The following GLG1 variants were observed in gnomAD, a reference collection of about 807,000 sequenced individuals.
The protein encoded by GLG1 is golgi glycoprotein 1.
In GLG1, 38 loss-of-function variants were observed where a neutral mutation model predicts 160.5. That is an observed-to-expected ratio of 0.24 (90% CI 0.18 to 0.31). GLG1 has a LOEUF of 0.31. Among genes scored for constraint, GLG1 ranks in the 10% least tolerant of loss-of-function variants. The pLI, the probability that GLG1 is intolerant of heterozygous loss-of-function variation, is 1.00. For missense variants in GLG1, 1,373 were observed against 1,505.2 expected, an observed-to-expected ratio of 0.91 and a Z score of 1.45; for synonymous variants, 644 against 543.4, an observed-to-expected ratio of 1.19 and a Z score of -2.57.
chr16:74,550,697 A>C (rs1263937887), intron 1 of GLG1, among the ~76,000 whole-genome samples: 1 of 152,218 alleles, frequency 6.6e-6, no homozygotes, highest in Non-Finnish European at 1.5e-5. Flanking sequence ...CAAAGATGCA[A>C]AAGTCAAGAG....
Position 74,450,841 on chromosome 16 carries a change from C to T in GLG1, c.*2326G>A, listed in dbSNP as rs534290582. 1 of 145,068 alleles carries T rather than the reference C, an allele frequency of 6.9e-6. No homozygotes were observed. The highest frequency in any genetic ancestry group is 2.0e-4 in the East Asian group (1 of 5,072). The allele number at this position is 145,068 out of a possible 1,614,324, so 9.0% of individuals were successfully genotyped here. A position where few individuals can be genotyped will look rare whatever the true frequency, so the allele number is the denominator to read the frequency against. On this transcript the variant is annotated 3_prime_UTR_variant, in exon 26 of 26. Coordinates refer to ENST00000422840, the MANE Select transcript of GLG1 (RefSeq NM_001145667.2). ...GCAGCCTGGGCAACAGAGAGATACT[C>T]TGTCTCAAAAAAAAAAAAAAAGACA...
At chr16:74,565,682 C>G (rs1312547000) in intron 1 of GLG1, among the ~76,000 whole-genome samples, 3 of 152,208 alleles carry the variant, frequency 2.0e-5, no homozygotes, top group Non-Finnish European at 1.5e-5. Flanking sequence ...CAACCATACA[C>G]CAGCACCAGA....
intron 1 of GLG1, among the ~76,000 whole-genome samples, chr16:74,551,718 G>C (rs1411685735): frequency 6.6e-6 from 1 of 151,570 alleles, no homozygotes; most frequent in African/African-American, 2.4e-5. Flanking sequence ...CCTGCCTTTA[G>C]GTGTCATTAC....
intron 5 of GLG1, among the ~76,000 whole-genome samples, chr16:74,496,187 G>A (rs1405259623): frequency 1.3e-5 from 2 of 151,960 alleles, no homozygotes; most frequent in Non-Finnish European, 2.9e-5. Flanking sequence ...AGAATCGCTT[G>A]AACCCAGAAG....
chr16:74,596,573 T>G (rs572945465), intron 1 of GLG1, among the ~76,000 whole-genome samples: 2 of 152,332 alleles, frequency 1.3e-5, no homozygotes, highest in Admixed American at 1.3e-4. Context: ...TACTAAATCT[T>G]CAAAATCAAA....
At chr16:74,480,178 A>T in intron 11 of GLG1, 63 bp downstream of exon 11, 1 of 1,331,426 alleles carries the variant, frequency 7.5e-7, no homozygotes, top group Non-Finnish European at 1.1e-6. Context: ...AGAAGAATAT[A>T]CAGCAAACAA....
chr16:74,460,298 G>A (rs2014738249), intron 22 of GLG1, among the ~76,000 whole-genome samples: 1 of 152,092 alleles, frequency 6.6e-6, no homozygotes. Context: ...GGGATTACAG[G>A]GCATGAGCCA....
At chr16:74,544,892 T>C (rs2018003308) in intron 1 of GLG1, among the ~76,000 whole-genome samples, 1 of 151,974 alleles carries the variant, frequency 6.6e-6, no homozygotes. Context: ...TAATCTATAA[T>C]TATAATAATA....
intron 2 of GLG1, among the ~76,000 whole-genome samples, chr16:74,531,450 C>G: frequency 6.6e-6 from 1 of 152,274 alleles, no homozygotes; most frequent in Middle Eastern, 3.4e-3. Flanking sequence ...TCCAGAGTAG[C>G]TGGGATTAAA....
At position 74,485,886 on chromosome 16, in the gene GLG1, C is replaced by G. The variant is rs781585464; in HGVS notation, c.1481G>C (p.Gly494Ala). 17 of 1,611,874 alleles carry G rather than the reference C, an allele frequency of 1.1e-5. No homozygotes were observed. The South Asian group carries it at 1.6e-4, about 16-fold the overall frequency. The change falls in exon 9 of 26, where the codon GGT (glycine) becomes GCT (alanine). Residue 494 changes from glycine to alanine, a missense_variant. Around this residue, in one of 4 missense-constraint regions of GLG1, gnomAD observed 386 missense variants for 388.5 expected, o/e 0.99. Coordinates refer to ENST00000422840, the MANE Select transcript of GLG1 (RefSeq NM_001145667.2). The stretch of plus-strand genomic sequence containing the variant: ...AGCTCGATCAATGCGGTAATCTGCA[C>G]CAGGGTCAGTCTCCTGAATCAGTGT... ...LQTLIQETDP[G>A]ADYRIDRALN... is the part of the protein sequence containing the mutation.
intron 1 of GLG1, among the ~76,000 whole-genome samples, chr16:74,547,968 T>C (rs1424770185): frequency 6.6e-6 from 1 of 152,260 alleles, no homozygotes; most frequent in Admixed American, 6.5e-5. Flanking sequence ...TCTCGCTCTG[T>C]CGCCCAGGCT....
rs1015846046 is a variant in GLG1, at chr16:74,448,415, A to C, written c.*4752T>G. ...ACAAAACCACTTAGGTGCTGCCCAA[A>C]TGGTGAGAAATAAAAGGAAGCATTC... On this transcript the variant is annotated 3_prime_UTR_variant, in exon 26 of 26. Coordinates refer to ENST00000422840, the MANE Select transcript of GLG1 (RefSeq NM_001145667.2). 3.3e-5 allele frequency: 5 copies of C among 152,172 alleles called. No individual in the cohort carries two copies. The highest frequency in any genetic ancestry group is 1.2e-4 in the African/African-American group (5 of 41,438). The allele number at this position is 152,172 out of a possible 1,614,324, so 9.4% of individuals were successfully genotyped here.
chr16:74,522,988 T>C (rs1297042219), intron 2 of GLG1, among the ~76,000 whole-genome samples: 1 of 152,222 alleles, frequency 6.6e-6, no homozygotes, highest in Non-Finnish European at 1.5e-5. Context: ...CCAGCAATAC[T>C]GTCTTTAATG....
chr16:74,578,255 G>A (rs1408376810), intron 1 of GLG1, among the ~76,000 whole-genome samples: 1 of 152,126 alleles, frequency 6.6e-6, no homozygotes, highest in Non-Finnish European at 1.5e-5. Flanking sequence ...TCTCATTAAA[G>A]TAGATAAAAG....
In GLG1 at chr16:74,560,886, A is replaced by G. The variant is rs987754603; in HGVS notation, c.439-28733T>C. On this transcript the variant is annotated intron_variant, in intron 1 of 25. Transcript: ENST00000422840. ...AGAGAGAAGCAATTCTGTATATAGAATATGTAAAGAAAGTAAGATATGTTT... is the reference window on the plus strand; with the variant it reads ...AGAGAGAAGCAATTCTGTATATAGAGTATGTAAAGAAAGTAAGATATGTTT... Among the ~76,000 whole-genome samples, 6 of 152,340 alleles carry G rather than the reference A, an allele frequency of 3.9e-5. No homozygotes were observed. In the South Asian group the frequency reaches 1.0e-3, roughly 26 times the overall value.
chr16:74,544,635 T>C (rs1042637099), intron 1 of GLG1, among the ~76,000 whole-genome samples: 21 of 152,296 alleles, frequency 1.4e-4, no homozygotes, highest in African/African-American at 4.1e-4. Context: ...CTTAGTCTTA[T>C]GATTACAGGC....
intron 17 of GLG1, chr16:74,468,260 A>C (rs1174422933): frequency 1.8e-5 from 2 of 111,648 alleles, no homozygotes; most frequent in African/African-American, 8.3e-5. Flanking sequence ...TTTTGGAGAC[A>C]GAGTCTTGCT....
At chr16:74,580,405 G>A (rs1957912483) in intron 1 of GLG1, among the ~76,000 whole-genome samples, 1 of 152,092 alleles carries the variant, frequency 6.6e-6, no homozygotes, top group Non-Finnish European at 1.5e-5. Context: ...AGACCAAGAT[G>A]GGAAGAGTGC....
intron 10 of GLG1, among the ~76,000 whole-genome samples, chr16:74,481,454 A>C (rs1451424079): frequency 6.6e-6 from 1 of 152,190 alleles, no homozygotes; most frequent in Non-Finnish European, 1.5e-5. Context: ...TTAATGAGTA[A>C]CTATGCAGCA....
Sources: gnomAD v4.1 joint callset for allele counts (sites outside exome capture counted in the v4.1 genomes callset) on GRCh38, gnomAD v4.1.1 for gene constraint, gnomAD v4.1.1 regional missense constraint, MANE v1.5 for transcripts, NCBI Gene and HGNC (gene_info 2026-07-23, HGNC 2026-07-21) for gene names.